XIRP2: variants seen among roughly 807,000 people sequenced by gnomAD.
XIRP2 encodes xin actin-binding repeat-containing protein 2.
In XIRP2, 236 loss-of-function variants were observed where a neutral mutation model predicts 277.0. The ratio of observed to expected loss-of-function variants is 0.85; its 90% CI spans 0.77 to 0.95. The LOEUF is 0.95. Ranked by LOEUF, XIRP2 falls within the 40% of genes least tolerant of loss-of-function variation. The pLI is 0.00. For synonymous variants in XIRP2, 1,490 were observed against 1,416.5 expected, an observed-to-expected ratio of 1.05 and a Z score of -1.17; for missense variants, 4,640 against 4,157.5, an observed-to-expected ratio of 1.12 and a Z score of -3.19.
chr2:166,951,591 A>T (rs566281372), intron 2 of XIRP2, among the ~76,000 whole-genome samples: 1 of 152,022 alleles, frequency 6.6e-6, no homozygotes, highest in Non-Finnish European at 1.5e-5. Context: ...TAGAAAAAAA[A>T]GTTGGCAATC....
intron 3 of XIRP2, among the ~76,000 whole-genome samples, chr2:167,160,652 G>T (rs1057044871): frequency 1.3e-5 from 2 of 152,164 alleles, no homozygotes; most frequent in Non-Finnish European, 2.9e-5. Context: ...TTGCCCCCAT[G>T]ATTCAATTGC....
intron 2 of XIRP2, among the ~76,000 whole-genome samples, chr2:166,982,246 A>T (rs1269880367): frequency 6.7e-6 from 1 of 150,214 alleles, no homozygotes; most frequent in Admixed American, 6.6e-5. Flanking sequence ...CAATTTGTCA[A>T]TTTTTTCTAA....
chr2:167,192,913 C>T (rs1287101463), intron 3 of XIRP2, among the ~76,000 whole-genome samples: 4 of 152,140 alleles, frequency 2.6e-5, no homozygotes, highest in African/African-American at 7.2e-5. Context: ...GCCTTGACTT[C>T]GCTAGTAGAA....
intron 2 of XIRP2, among the ~76,000 whole-genome samples, chr2:166,985,759 G>T (rs1047355268): frequency 3.3e-5 from 5 of 152,052 alleles, no homozygotes; most frequent in South Asian, 2.1e-4. Flanking sequence ...TATTCTTAGT[G>T]TTGGTCTGGG....
intron 2 of XIRP2, among the ~76,000 whole-genome samples, chr2:167,075,687 G>C (rs1689546857): frequency 6.6e-6 from 1 of 152,054 alleles, no homozygotes; most frequent in South Asian, 2.1e-4. Context: ...TGTCACCCAG[G>C]CTGGAGGGCA....
chr2:167,002,464 C>G (rs1057342145), intron 2 of XIRP2, among the ~76,000 whole-genome samples: 26 of 151,934 alleles, frequency 1.7e-4, no homozygotes, highest in African/African-American at 6.0e-4. Context: ...ATACTCTTTG[C>G]TTCACCAAGA....
At chr2:167,118,074 C>T (rs910671706) in intron 2 of XIRP2, among the ~76,000 whole-genome samples, 1 of 152,104 alleles carries the variant, frequency 6.6e-6, no homozygotes, top group African/African-American at 2.4e-5. Flanking sequence ...TTTTCCCCCA[C>T]CAAAAATTAA....
intron 3 of XIRP2, among the ~76,000 whole-genome samples, chr2:167,146,006 AT>A (rs1332442740): frequency 1.3e-5 from 2 of 152,204 alleles, no homozygotes; most frequent in African/African-American, 4.8e-5. Context: ...GGATTAAAAT[AT>A]TTTTTAAAAG....
chr2:167,067,654 G>T (rs185830074), intron 2 of XIRP2, among the ~76,000 whole-genome samples: 2 of 152,058 alleles, frequency 1.3e-5, no homozygotes, highest in African/African-American at 4.8e-5. Context: ...AAATGCAGAC[G>T]CAGAGATCCA....
At chr2:167,059,708 T>A (rs145381318) in intron 2 of XIRP2, among the ~76,000 whole-genome samples, 1 of 152,276 alleles carries the variant, frequency 6.6e-6, no homozygotes, top group African/African-American at 2.4e-5. Flanking sequence ...CTTAGGGCTC[T>A]TACTGTGTCT....
At chr2:167,151,964 T>A (rs1031648479) in intron 3 of XIRP2, among the ~76,000 whole-genome samples, 1 of 152,130 alleles carries the variant, frequency 6.6e-6, no homozygotes, top group Non-Finnish European at 1.5e-5. Context: ...GGGTGTCAAG[T>A]GATTGCAGAA....
intron 2 of XIRP2, among the ~76,000 whole-genome samples, chr2:167,105,723 T>C (rs1369340655): frequency 6.6e-6 from 1 of 151,842 alleles, no homozygotes; most frequent in Non-Finnish European, 1.5e-5. Context: ...TTCAGCTTTT[T>C]AAAACACCCC....
At chr2:166,911,929 T>C (rs935051597) in intron 2 of XIRP2, among the ~76,000 whole-genome samples, 1 of 151,386 alleles carries the variant, frequency 6.6e-6, no homozygotes, top group Admixed American at 6.6e-5. Context: ...AGAATGTTGA[T>C]TTGGCCTCCA....
chr2:166,920,666 A>G (rs750276723), intron 2 of XIRP2, among the ~76,000 whole-genome samples: 1 of 152,168 alleles, frequency 6.6e-6, no homozygotes, highest in African/African-American at 2.4e-5. Flanking sequence ...CAAGAAATAT[A>G]AATGTTTTGA....
chr2:167,029,524 G>A (rs1417846572), intron 2 of XIRP2, among the ~76,000 whole-genome samples: 1 of 152,084 alleles, frequency 6.6e-6, no homozygotes, highest in African/African-American at 2.4e-5. Context: ...ATTTTCATAT[G>A]TTGAACCAGC....
At chr2:167,013,963 G>A (rs1309583477) in intron 2 of XIRP2, among the ~76,000 whole-genome samples, 3 of 151,222 alleles carry the variant, frequency 2.0e-5, no homozygotes, top group Non-Finnish European at 4.4e-5. Context: ...GACTTAAAGA[G>A]ATTTGTGGAA....
chr2:167,221,341 G>A (rs1430614713), intron 5 of XIRP2, among the ~76,000 whole-genome samples: 2 of 151,590 alleles, frequency 1.3e-5, no homozygotes, highest in African/African-American at 4.8e-5. Flanking sequence ...GCGTATGCCT[G>A]TAATCCCAGC....
At chr2:167,034,424 T>A (rs1688452888) in intron 2 of XIRP2, among the ~76,000 whole-genome samples, 1 of 151,370 alleles carries the variant, frequency 6.6e-6, no homozygotes, top group African/African-American at 2.4e-5. Flanking sequence ...CAGTAGTAAG[T>A]CCTTACTTAT....
rs75829156 is a variant in XIRP2, at chr2:167,229,045, G to C, written c.858+10745G>C. On this transcript the variant is annotated intron_variant, in intron 5 of 10. Transcript: ENST00000409195. ...TGAGTTGTTGAGGAAGTAGCACCTA[G>C]ACCCTTTCCCCCAAAGACAAAAGGT... is the stretch of plus-strand genomic sequence containing the variant. Among the ~76,000 whole-genome samples, 659 of 152,226 alleles carry C rather than the reference G, an allele frequency of 4.3e-3. 24 individuals carry two copies. The East Asian group carries it at 0.067, about 16-fold the overall frequency.
Sources: gnomAD v4.1 joint callset for allele counts (sites outside exome capture counted in the v4.1 genomes callset) on GRCh38, gnomAD v4.1.1 for gene constraint, MANE v1.5 for transcripts, NCBI Gene and HGNC (gene_info 2026-07-23, HGNC 2026-07-21) for gene names.